The following ABHD17B variants were observed in gnomAD, a reference collection of about 807,000 sequenced individuals.
ABHD17B encodes the protein alpha/beta hydrolase domain-containing protein 17B.
A neutral mutation model predicts 26.2 loss-of-function variants in ABHD17B; 9 were observed. The observed-to-expected ratio is 0.34, with a 90% CI of 0.21 to 0.60. The LOEUF (loss-of-function observed/expected upper bound fraction) is 0.60, where lower values mean the gene tolerates loss of function less well. ABHD17B is among the 20% of genes least tolerant of loss of function. The pLI, the probability that ABHD17B is intolerant of heterozygous loss-of-function variation, is 0.80. For synonymous variants in ABHD17B, 127 were observed against 122.3 expected (o/e 1.04, Z -0.25); for missense variants, 224 against 352.1 (o/e 0.64, Z 2.91).
chr9:71,893,227 G>A (rs992308290), intron 1 of ABHD17B, among the ~76,000 whole-genome samples: 1 of 152,120 alleles, frequency 6.6e-6, no homozygotes, highest in Non-Finnish European at 1.5e-5. Flanking sequence ...CTTCTGCAGT[G>A]GACACCAGGT....
At chr9:71,876,763 A>G (rs1359489245) in intron 1 of ABHD17B, among the ~76,000 whole-genome samples, 1 of 152,212 alleles carries the variant, frequency 6.6e-6, no homozygotes, top group East Asian at 1.9e-4. Context: ...AATATATCCT[A>G]TAATGCTCAG....
chr9:71,886,412 A>C (rs1826611023), intron 1 of ABHD17B, among the ~76,000 whole-genome samples: 1 of 91,986 alleles, frequency 1.1e-5, no homozygotes, highest in Non-Finnish European at 2.2e-5. Flanking sequence ...ACATAGGGAG[A>C]CCCTGTCTCA....
At position 71,870,184 on chromosome 9, in the gene ABHD17B, T is replaced by C. The variant is rs773126267; in HGVS notation, c.546A>G (p.Arg182=). The C allele has an allele frequency of 1.9e-6, 3 of 1,614,098 alleles. No individual in the cohort carries two copies. The highest frequency in any genetic ancestry group is 2.5e-6 in the Non-Finnish European group (3 of 1,179,984). The change falls in exon 3 of 4, where the codon CGA becomes CGG. Residue 182 remains arginine (R), a synonymous_variant. Coordinates refer to ENST00000333421, the MANE Select transcript of ABHD17B (RefSeq NM_001025780.3). ...GAAGAATAACAGCAGCACTCTCATA[T>C]CGAGCAGCAAGATCCACAGACGGTA... ...GTVPSVDLAA[R]YESAAVILHS... is the part of the protein sequence containing the mutation.
intron 1 of ABHD17B, among the ~76,000 whole-genome samples, chr9:71,890,417 T>C (rs953722252): frequency 6.6e-6 from 1 of 152,246 alleles, no homozygotes; most frequent in Non-Finnish European, 1.5e-5. Context: ...GTATTTCTTA[T>C]TCTATCAACT....
chr9:71,906,344 A>G (rs570560326), intron 1 of ABHD17B, among the ~76,000 whole-genome samples: 1 of 152,338 alleles, frequency 6.6e-6, no homozygotes, highest in African/African-American at 2.4e-5. Context: ...CTTTTCCACC[A>G]ATGACAGGCC....
chr9:71,867,025 G>T lies in ABHD17B; in HGVS notation c.648-19C>A. 6.2e-7 allele frequency: 1 copy of T among 1,611,392 alleles called. No individual in the cohort carries two copies. On this transcript the variant is annotated intron_variant, in intron 3 of 3. Transcript: ENST00000333421. ...GTCAATGCTGCAGGGAAAAAGGAAG[G>T]GGGAAAAATGCAATAAATTAACTAT...
intron 1 of ABHD17B, among the ~76,000 whole-genome samples, chr9:71,895,202 T>G (rs757940141): frequency 2.0e-5 from 3 of 152,186 alleles, no homozygotes; most frequent in Non-Finnish European, 4.4e-5. Flanking sequence ...TCCTATGAGA[T>G]AGATATTATT....
intron 1 of ABHD17B, among the ~76,000 whole-genome samples, chr9:71,885,710 C>T (rs1045227940): frequency 2.6e-5 from 4 of 151,924 alleles, no homozygotes; most frequent in Non-Finnish European, 5.9e-5. Context: ...AAAAAAAGTC[C>T]CTAAATAGAA....
chr9:71,881,246 A>G (rs1438618235), intron 1 of ABHD17B, among the ~76,000 whole-genome samples: 1 of 152,214 alleles, frequency 6.6e-6, no homozygotes, highest in Admixed American at 6.5e-5. Flanking sequence ...TGGTGAAAGA[A>G]GTGTTTTCAA....
At chr9:71,887,939 C>T (rs927114514) in intron 1 of ABHD17B, among the ~76,000 whole-genome samples, 1 of 152,124 alleles carries the variant, frequency 6.6e-6, no homozygotes, top group Non-Finnish European at 1.5e-5. Flanking sequence ...CTCAATTAGG[C>T]TATCTATATG....
intron 1 of ABHD17B, among the ~76,000 whole-genome samples, chr9:71,904,485 A>G (rs929977117): frequency 6.6e-6 from 1 of 152,202 alleles, no homozygotes; most frequent in Non-Finnish European, 1.5e-5. Flanking sequence ...CTGAAATTCT[A>G]TTCTGTTAAA....
downstream of ABHD17B, among the ~76,000 whole-genome samples, chr9:71,863,720 C>T (rs368990515): frequency 9.4e-4 from 143 of 152,264 alleles, 1 homozygote; most frequent in African/African-American, 2.7e-3. Context: ...TCATACTGAG[C>T]TTTAATCTGG....
chr9:71,889,709 G>A (rs1237284060), intron 1 of ABHD17B, among the ~76,000 whole-genome samples: 3 of 151,980 alleles, frequency 2.0e-5, no homozygotes, highest in Non-Finnish European at 4.4e-5. Flanking sequence ...ATGCCCCTGG[G>A]AATTTGTAGA....
In ABHD17B at chr9:71,865,274, G is replaced by C. The variant is rs1463581812; in HGVS notation, c.*1513C>G. The C allele has an allele frequency of 3.0e-6, 3 of 985,462 alleles. No homozygotes were observed. The highest frequency in any genetic ancestry group is 6.1e-5 in the Admixed American group (1 of 16,266). The allele number at this position is 985,462 out of a possible 1,614,324, so 61.0% of individuals were successfully genotyped here. A position where few individuals can be genotyped will look rare whatever the true frequency, so the allele number is the denominator to read the frequency against. ...CTTAAACATAACCACGGAACGAGCAGAACAATTAAAACTACATAAGGCCTT... is the reference window on the plus strand; with the variant it reads ...CTTAAACATAACCACGGAACGAGCACAACAATTAAAACTACATAAGGCCTT... On this transcript the variant is annotated 3_prime_UTR_variant, in exon 4 of 4. Transcript: ENST00000333421.
intron 1 of ABHD17B, among the ~76,000 whole-genome samples, chr9:71,909,868 G>T (rs1288460291): frequency 6.7e-6 from 1 of 149,348 alleles, no homozygotes; most frequent in Non-Finnish European, 1.5e-5. Flanking sequence ...TCAAAGATCT[G>T]AACTTTTTTT....
At chr9:71,885,306 A>C (rs1826573660) in intron 1 of ABHD17B, among the ~76,000 whole-genome samples, 1 of 151,902 alleles carries the variant, frequency 6.6e-6, no homozygotes, top group Non-Finnish European at 1.5e-5. Flanking sequence ...TAATTAATAT[A>C]AAAATTAGCC....
intron 1 of ABHD17B, among the ~76,000 whole-genome samples, chr9:71,878,523 C>CAT (rs1303916161): frequency 1.3e-5 from 2 of 152,136 alleles, no homozygotes; most frequent in Non-Finnish European, 2.9e-5. Flanking sequence ...ATCAGATGAA[C>CAT]ATATGACTTT....
rs768683656 is a variant in ABHD17B, at chr9:71,875,059, C to T, written c.22G>A (p.Glu8Lys). The change falls in exon 2 of 4, where the codon GAG (glutamate) becomes AAG (lysine). Residue 8 changes from glutamate (E) to lysine (K), a missense_variant. Coordinates refer to ENST00000333421, the MANE Select transcript of ABHD17B (RefSeq NM_001025780.3). MNNLSFS[E>K]LCCLFCCPPC... ...GGACAGCAGAAGAGGCAACATAGCTCACTAAATGAAAGATTATTCATGCTC... is the reference window on the plus strand; with the variant it reads ...GGACAGCAGAAGAGGCAACATAGCTTACTAAATGAAAGATTATTCATGCTC... The T allele has an allele frequency of 6.2e-7, 1 of 1,608,330 alleles. No individual in the cohort carries two copies. Among genetic ancestry groups the T allele is most frequent in the Non-Finnish European group, 8.5e-7 (1 of 1,175,722 alleles).
At chr9:71,894,337 T>C (rs1001478660) in intron 1 of ABHD17B, among the ~76,000 whole-genome samples, 3 of 152,180 alleles carry the variant, frequency 2.0e-5, no homozygotes, top group Admixed American at 1.3e-4. Context: ...ATAAATACAT[T>C]AAATTTCAAA....
Sources: gnomAD v4.1 joint callset for allele counts (sites outside exome capture counted in the v4.1 genomes callset) on GRCh38, gnomAD v4.1.1 for gene constraint, MANE v1.5 for transcripts, NCBI Gene and HGNC (gene_info 2026-07-23, HGNC 2026-07-21) for gene names.